Variants in FUBP1 observed in about 807,000 individuals in gnomAD.
FUBP1 encodes the protein far upstream element binding protein 1.
Under a neutral mutation model 94.9 loss-of-function variants are expected in FUBP1, and 16 were observed. The observed-to-expected ratio is 0.17, with a 90% CI of 0.11 to 0.26. FUBP1 has a LOEUF of 0.26. FUBP1 is among the 10% of genes least tolerant of loss of function. The pLI, the probability that FUBP1 is intolerant of heterozygous loss-of-function variation, is 1.00. For synonymous variants in FUBP1, 279 were observed against 254.9 expected (o/e 1.09, Z -0.90); for missense variants, 583 against 808.6 (o/e 0.72, Z 3.38).
At chr1:77,972,004 CAA>C (rs60606700) in intron 1 of FUBP1, among the ~76,000 whole-genome samples, 5,334 of 84,032 alleles carry the variant, frequency 0.063, 278 homozygotes, top group African/African-American at 0.19. Context: ...GACTCTGTCT[CAA>C]AAAAAAAAAA....
At chr1:77,975,689 C>G (rs973270042) in intron 1 of FUBP1, among the ~76,000 whole-genome samples, 1 of 152,086 alleles carries the variant, frequency 6.6e-6, no homozygotes, top group African/African-American at 2.4e-5. Flanking sequence ...ACAGAAGTTG[C>G]TATTAGTACC....
intron 2 of FUBP1, 75 bp downstream of exon 2, chr1:77,969,850 T>A: frequency 1.5e-6 from 1 of 663,820 alleles, no homozygotes; most frequent in East Asian, 2.9e-5. Context: ...CTCAATAAAA[T>A]AACAGAAAAA....
At position 77,966,894 on chromosome 1, in the gene FUBP1, C is replaced by G. The variant is rs2102420982; in HGVS notation, c.405G>C (p.Gln135His). Reference sequence around the variant, plus strand: ...AGAATGTAACATTACCAGGAGCTATCTGTATTTTGCATCCAGATTCCTGTT... The same window carrying G: ...AGAATGTAACATTACCAGGAGCTATGTGTATTTTGCATCCAGATTCCTGTT... ...RIQQESGCKI[Q>H]IAPDSGGLPE... Residue 135 changes from glutamine (Q) to histidine (H), a missense_variant, in exon 6 of 20, where the codon CAG (glutamine) becomes CAC (histidine). Transcript: ENST00000370768. 6.3e-7 allele frequency: 1 copy of G among 1,579,270 alleles called. No homozygotes were observed. The highest frequency in any genetic ancestry group is 8.7e-7 in the Non-Finnish European group (1 of 1,149,222).
chr1:77,953,131 A>G (rs1653818796), intron 18 of FUBP1, among the ~76,000 whole-genome samples: 1 of 152,058 alleles, frequency 6.6e-6, no homozygotes, highest in Non-Finnish European at 1.5e-5. Flanking sequence ...TCCGTCTTAA[A>G]AAAAACAACA....
chr1:77,966,103 G>T (rs1037162701), intron 7 of FUBP1, among the ~76,000 whole-genome samples: 3 of 152,230 alleles, frequency 2.0e-5, no homozygotes, highest in African/African-American at 7.2e-5. Flanking sequence ...TCAGTAGGAA[G>T]AAAGGGCTGG....
In FUBP1 at chr1:77,948,023, G is replaced by C. The variant is rs1031359558; in HGVS notation, c.*743C>G. On this transcript the variant is annotated 3_prime_UTR_variant, in exon 20 of 20. Coordinates refer to ENST00000370768, the MANE Select transcript of FUBP1 (RefSeq NM_003902.5). ...ATGCCGAAACAGTCTTGGAAATCAA[G>C]TATTATCAAATTAAGAACAGAAAGG... 8.7e-5 allele frequency: 90 copies of C among 1,029,212 alleles called. No homozygotes were observed. In the African/African-American group the frequency reaches 1.5e-3, roughly 17 times the overall value. 63.8% of individuals were successfully genotyped at this position (1,029,212 alleles called of 1,614,324 possible).
At chr1:77,950,925 G>A (rs1653343797) in intron 18 of FUBP1, among the ~76,000 whole-genome samples, 1 of 151,812 alleles carries the variant, frequency 6.6e-6, no homozygotes, top group Non-Finnish European at 1.5e-5. Flanking sequence ...CTCTTTTCTT[G>A]GGTAACAGAG....
intron 2 of FUBP1, chr1:77,968,956 T>C (rs1657020312): frequency 7.8e-6 from 4 of 511,672 alleles, no homozygotes; most frequent in African/African-American, 2.0e-5. Context: ...TTTGTGTCCA[T>C]TTAAGAATCC....
At chr1:77,975,594 T>C (rs1658449197) in intron 1 of FUBP1, among the ~76,000 whole-genome samples, 1 of 152,170 alleles carries the variant, frequency 6.6e-6, no homozygotes, top group Admixed American at 6.5e-5. Flanking sequence ...TAGCTAATCA[T>C]CTAGTCTGAT....
intron 1 of FUBP1, among the ~76,000 whole-genome samples, chr1:77,975,233 A>G (rs1209366379): frequency 7.2e-5 from 11 of 152,220 alleles, no homozygotes; most frequent in Non-Finnish European, 1.2e-4. Flanking sequence ...TTGAGTACCT[A>G]CTATAGGCAA....
Position 77,964,165 on chromosome 1 carries a change from T to C in FUBP1, c.941-3A>G, listed in dbSNP as rs1346370853. 6.3e-7 allele frequency: 1 copy of C among 1,597,204 alleles called. No individual in the cohort carries two copies. The highest frequency in any genetic ancestry group is 8.6e-7 in the Non-Finnish European group (1 of 1,164,616). ...CCTTTCGGGTGTTGTCCCATCATCT[T>C]CAAAACAAAGAAACAAAATTAATTA... On this transcript the variant is annotated splice_polypyrimidine_tract_variant and splice_region_variant and intron_variant, in intron 11 of 19. Transcript: ENST00000370768.
rs773905638 is a variant in FUBP1 at position 77,960,439 on chromosome 1, G to T, written c.1401C>A (p.Gly467=). ...CTGGAGGCCCAGGAGGTCCATGGGG[G>T]CCTGGGACACCATGGGGCCCATGGG... ...PVPHGPHGVP[G]PHGPPGPPGP... Residue 467 remains glycine (G), a synonymous_variant, in exon 15 of 20, where the codon GGC becomes GGA. Coordinates refer to ENST00000370768, the MANE Select transcript of FUBP1 (RefSeq NM_003902.5). The T allele has an allele frequency of 8.8e-6, 14 of 1,591,270 alleles. No individual in the cohort carries two copies. The South Asian group carries it at 1.4e-4, about 15-fold the overall frequency.
At chr1:77,953,417 G>A (rs1470566719) in intron 18 of FUBP1, among the ~76,000 whole-genome samples, 3 of 152,148 alleles carry the variant, frequency 2.0e-5, no homozygotes, top group African/African-American at 4.8e-5. Flanking sequence ...CTTGAACCTG[G>A]GAGGCGGAGG....
At position 77,946,212 on chromosome 1, in the gene FUBP1, T is replaced by A. The variant is rs1019897414; in HGVS notation, c.*2554A>T. ...AATCTTGAAAACTGTGTAATTGTCC[T>A]TTCTTAATATTAACACTTCTATATT... On this transcript the variant is annotated 3_prime_UTR_variant, in exon 20 of 20. Transcript: ENST00000370768. Among the ~76,000 whole-genome samples the A allele has an allele frequency of 1.3e-5, 2 of 152,056 alleles. No individual in the cohort carries two copies. Among genetic ancestry groups the A allele is most frequent in the African/African-American group, 4.8e-5 (2 of 41,538 alleles).
intron 12 of FUBP1, 27 bp downstream of exon 12, chr1:77,964,035 A>T (rs1189438021): frequency 7.5e-7 from 1 of 1,337,434 alleles, no homozygotes; most frequent in Admixed American, 1.7e-5. Context: ...AAAAACAAAA[A>T]ATGAAAATGT....
At chr1:77,951,760 G>A (rs1653516524) in intron 18 of FUBP1, among the ~76,000 whole-genome samples, 1 of 152,116 alleles carries the variant, frequency 6.6e-6, no homozygotes, top group African/African-American at 2.4e-5. Context: ...ACTTGCTCTA[G>A]AGTTAGCTTG....
chr1:77,963,533 T>G, intron 13 of FUBP1, 41 bp downstream of exon 13: 1 of 1,201,796 alleles, frequency 8.3e-7, no homozygotes, highest in African/African-American at 1.5e-5. Context: ...TCCAGAAAAA[T>G]GAATAATGTG....
intron 1 of FUBP1, among the ~76,000 whole-genome samples, chr1:77,972,748 C>G (rs889495416): frequency 6.7e-6 from 1 of 150,142 alleles, no homozygotes; most frequent in South Asian, 2.1e-4. Flanking sequence ...GGTGACAGAG[C>G]GAGACTCTGT....
rs60897865 is a variant in FUBP1, at chr1:77,948,625, C to CAA, written c.*139_*140dup. Reference sequence around the variant, plus strand: ...TAGTGATAGATATTTTGTACATTTTCAAAAAAAAAAAAAAAAAAGGAAACA... The same window carrying CAA: ...TAGTGATAGATATTTTGTACATTTTCAAAAAAAAAAAAAAAAAAAAGGAAACA... On this transcript the variant is annotated 3_prime_UTR_variant, in exon 20 of 20. Transcript: ENST00000370768. 0.024 allele frequency: 23,500 copies of CAA among 965,456 alleles called. 161 individuals carry two copies. The highest frequency in any genetic ancestry group is 0.1 in the African/African-American group (4,361 of 42,042). The allele number at this position is 965,456 out of a possible 1,614,324, so 59.8% of individuals were successfully genotyped here. A position where few individuals can be genotyped will look rare whatever the true frequency, so the allele number is the denominator to read the frequency against.
Sources: gnomAD v4.1 joint callset for allele counts (sites outside exome capture counted in the v4.1 genomes callset) on GRCh38, gnomAD v4.1.1 for gene constraint, MANE v1.5 for transcripts, NCBI Gene and HGNC (gene_info 2026-07-23, HGNC 2026-07-21) for gene names.